The following PROS1 variants were observed in gnomAD, a reference collection of about 807,000 sequenced individuals.
PROS1 encodes the protein vitamin K-dependent protein S.
PROS1 carries 29 observed loss-of-function variants against 75.9 expected under a neutral mutation model. That is an observed-to-expected ratio of 0.38 (90% CI 0.28 to 0.52). The LOEUF (loss-of-function observed/expected upper bound fraction) is 0.52, where lower values mean the gene tolerates loss of function less well. Ranked by LOEUF, PROS1 falls within the 20% of genes least tolerant of loss-of-function variation. PROS1 has a pLI of 0.83. For missense variants in PROS1, 680 were observed against 810.3 expected (o/e 0.84, Z 1.95); for synonymous variants, 245 against 280.6 (o/e 0.87, Z 1.27).
intron 3 of PROS1, among the ~76,000 whole-genome samples, chr3:93,916,099 C>T (rs1325886079): frequency 6.6e-6 from 1 of 152,144 alleles, no homozygotes; most frequent in Non-Finnish European, 1.5e-5. Context: ...ATTACAGCAT[C>T]ATCCCATGAC....
At chr3:93,942,437 G>A (rs550220863) in intron 1 of PROS1, among the ~76,000 whole-genome samples, 24 of 152,296 alleles carry the variant, frequency 1.6e-4, no homozygotes, top group Non-Finnish European at 2.9e-4. Flanking sequence ...AAAGGAAGCT[G>A]GAGTCATATA....
chr3:93,962,500 TA>T (rs1447683879), intron 1 of PROS1, among the ~76,000 whole-genome samples: 1 of 152,202 alleles, frequency 6.6e-6, no homozygotes, highest in Admixed American at 6.5e-5. Flanking sequence ...TTCTCCAAAC[TA>T]AAGTATCTTA....
intron 1 of PROS1, among the ~76,000 whole-genome samples, chr3:93,952,650 A>T (rs1440869384): frequency 2.6e-5 from 4 of 152,240 alleles, no homozygotes; most frequent in Admixed American, 1.3e-4. Flanking sequence ...TTGACACCCT[A>T]ACAGCACAAC....
intron 1 of PROS1, among the ~76,000 whole-genome samples, chr3:93,954,353 G>A (rs1322054176): frequency 6.6e-6 from 1 of 152,156 alleles, no homozygotes; most frequent in Non-Finnish European, 1.5e-5. Context: ...AACCAAAACA[G>A]CATGGTACTG....
At position 93,927,403 on chromosome 3, in the gene PROS1, C is replaced by T; in HGVS notation, c.81G>A (p.Leu27=). 6.2e-7 allele frequency: 1 copy of T among 1,613,922 alleles called. No homozygotes were observed. The highest frequency in any genetic ancestry group is 8.5e-7 in the Non-Finnish European group (1 of 1,179,964). The part of the protein sequence containing the change: ...LVLPVSEANF[L]SKQQASQVLV... ...GGACTTGTGAAGCCTGTTGCTTTGA[C>T]AAAACTGAAGGAAACAATCAGTTTA... Residue 27 remains leucine, a synonymous_variant, in exon 2 of 15, where the codon TTG becomes TTA. Coordinates refer to ENST00000394236, the MANE Select transcript of PROS1 (RefSeq NM_000313.4).
intron 11 of PROS1, among the ~76,000 whole-genome samples, chr3:93,885,278 T>G (rs902401298): frequency 1.4e-4 from 22 of 152,176 alleles, no homozygotes; most frequent in Admixed American, 6.5e-5. Flanking sequence ...CTTGCTGGAG[T>G]GCAGTGGCAG....
At chr3:93,888,722 T>C (rs553904144) in intron 10 of PROS1, among the ~76,000 whole-genome samples, 1 of 152,306 alleles carries the variant, frequency 6.6e-6, no homozygotes, top group East Asian at 1.9e-4. Context: ...TGTCATCTTC[T>C]CTCCGCTGGG....
chr3:93,944,678 G>C lies in PROS1; in HGVS notation c.77-17271C>G, dbSNP rs544983554. On this transcript the variant is annotated intron_variant, in intron 1 of 14. Coordinates refer to ENST00000394236, the MANE Select transcript of PROS1 (RefSeq NM_000313.4). ...GCAGTATATTGGAGGGAAATTTATA[G>C]CACTAAATGCCCACAAGAGAAAGCA... Among the ~76,000 whole-genome samples, 62 of 152,274 alleles carry C rather than the reference G, an allele frequency of 4.1e-4. No individual in the cohort carries two copies. The South Asian group carries it at 5.2e-3, about 13-fold the overall frequency.
chr3:93,954,991 G>A (rs1709573730), intron 1 of PROS1, among the ~76,000 whole-genome samples: 1 of 152,172 alleles, frequency 6.6e-6, no homozygotes, highest in Non-Finnish European at 1.5e-5. Flanking sequence ...ATCATCACTG[G>A]CCATCAGAGA....
chr3:93,944,060 A>C (rs1709339290), intron 1 of PROS1, among the ~76,000 whole-genome samples: 1 of 152,342 alleles, frequency 6.6e-6, no homozygotes, highest in African/African-American at 2.4e-5. Flanking sequence ...CTTCACACAG[A>C]TGAGTGTGAC....
At chr3:93,897,293 A>AT (rs141984001) in intron 8 of PROS1, among the ~76,000 whole-genome samples, 4 of 152,076 alleles carry the variant, frequency 2.6e-5, no homozygotes, top group East Asian at 3.9e-4. Context: ...GGTATCAAGT[A>AT]TTTTTTTTCT....
intron 3 of PROS1, chr3:93,910,966 A>G (rs1289302843): frequency 2.3e-6 from 1 of 433,740 alleles, no homozygotes; most frequent in East Asian, 4.6e-5. Context: ...TAAAGTCAGA[A>G]GTGAAAAAAA....
chr3:93,876,973 G>A lies in PROS1; in HGVS notation c.1863C>T (p.Gly621=), dbSNP rs2107124945. Residue 621 remains glycine, a synonymous_variant, in exon 14 of 15, where the codon GGC becomes GGT. Coordinates refer to ENST00000394236, the MANE Select transcript of PROS1 (RefSeq NM_000313.4). ...MKAKVATYLG[G]LPDVPFSATP... ...GAAAAAGTAAGCAGATACCTGGAAG[G>A]CCACCCAGGTATGTGGCCACTTTTG... is the stretch of plus-strand genomic sequence containing the variant. 1 of 1,601,528 alleles carries A rather than the reference G, an allele frequency of 6.2e-7. No individual in the cohort carries two copies. The highest frequency in any genetic ancestry group is 8.5e-7 in the Non-Finnish European group (1 of 1,169,766).
intron 1 of PROS1, among the ~76,000 whole-genome samples, chr3:93,939,670 A>C (rs1214255983): frequency 1.3e-5 from 2 of 152,150 alleles, no homozygotes; most frequent in Non-Finnish European, 2.9e-5. Flanking sequence ...CTCCCAAAGC[A>C]GTTAGTGTTT....
At position 93,905,839 on chromosome 3, in the gene PROS1, G is replaced by A; in HGVS notation, c.546C>T (p.Tyr182=). ...SQICDNTPGS[Y]HCSCKNGFVM... The stretch of plus-strand genomic sequence containing the variant: ...CAAAACCATTTTTACAGGAACAGTG[G>A]TAACTTCCAGGTGTATTATCACAAA... The change falls in exon 6 of 15, where the codon TAC becomes TAT. Residue 182 remains tyrosine (Y), a synonymous_variant. Transcript: ENST00000394236. The A allele has an allele frequency of 1.2e-6, 2 of 1,612,550 alleles. No homozygotes were observed. The highest frequency in any genetic ancestry group is 1.7e-6 in the Non-Finnish European group (2 of 1,178,694).
intron 3 of PROS1, among the ~76,000 whole-genome samples, chr3:93,915,324 G>T (rs1708828748): frequency 6.6e-6 from 1 of 152,040 alleles, no homozygotes; most frequent in Non-Finnish European, 1.5e-5. Flanking sequence ...AAATTATCCA[G>T]GTGTGGTGGC....
intron 4 of PROS1, among the ~76,000 whole-genome samples, chr3:93,909,483 C>T (rs907119473): frequency 6.6e-5 from 10 of 150,492 alleles, no homozygotes; most frequent in African/African-American, 1.7e-4. Flanking sequence ...ATTATAGTGC[C>T]TTGTTTATTT....
intron 1 of PROS1, among the ~76,000 whole-genome samples, chr3:93,955,224 G>A (rs371340411): frequency 3.3e-4 from 50 of 152,258 alleles, no homozygotes; most frequent in East Asian, 1.5e-3. Context: ...TCCCCTTACT[G>A]GGTATATACC....
chr3:93,918,498 C>T (rs1009867893), intron 3 of PROS1, among the ~76,000 whole-genome samples: 1 of 152,118 alleles, frequency 6.6e-6, no homozygotes. Context: ...AGGTCCGAAG[C>T]TTCACTCCTG....
Sources: allele counts gnomAD v4.1 joint callset (sites outside exome capture counted in the v4.1 genomes callset), GRCh38; gene constraint gnomAD v4.1.1; transcripts MANE v1.5; gene names NCBI Gene and HGNC (gene_info 2026-07-23, HGNC 2026-07-21).